Variants in COLEC12 observed in about 807,000 individuals in gnomAD.
COLEC12 encodes the protein collectin-12.
Under a neutral mutation model 71.1 loss-of-function variants are expected in COLEC12, and 33 were observed. The ratio of observed to expected loss-of-function variants is 0.46; its 90% CI spans 0.35 to 0.62. The LOEUF (loss-of-function observed/expected upper bound fraction) is 0.62. COLEC12 is among the 20% of genes least tolerant of loss of function. The pLI is 0.00. For missense variants in COLEC12, 765 were observed against 916.1 expected (o/e 0.84, Z 2.13); for synonymous variants, 350 against 353.0 (o/e 0.99, Z 0.10).
intron 3 of COLEC12, 84 bp downstream of exon 3, chr18:357,316 G>T: frequency 1.5e-6 from 2 of 1,301,316 alleles, no homozygotes; most frequent in East Asian, 2.4e-5. Flanking sequence ...GAAATACTTC[G>T]TATTTGCAAA....
At chr18:454,729 T>A (rs569159782) in intron 2 of COLEC12, among the ~76,000 whole-genome samples, 1 of 152,288 alleles carries the variant, frequency 6.6e-6, no homozygotes, top group South Asian at 2.1e-4. Context: ...TATTGCTCCC[T>A]TGTCCTTGTC....
At chr18:351,378 C>T (rs117086375) in intron 3 of COLEC12, among the ~76,000 whole-genome samples, 6,837 of 152,046 alleles carry the variant, frequency 0.045, 195 homozygotes, top group South Asian at 0.081. Context: ...TGCCGAGGTG[C>T]ACCTTGCAGA....
chr18:449,939 CATT>C (rs375064323), intron 2 of COLEC12, among the ~76,000 whole-genome samples: 5 of 152,322 alleles, frequency 3.3e-5, no homozygotes, highest in African/African-American at 9.6e-5. Flanking sequence ...ACAGTAATAA[CATT>C]ATTTAAAAAA....
At chr18:369,157 C>T (rs1407650227) in intron 2 of COLEC12, among the ~76,000 whole-genome samples, 2 of 152,210 alleles carry the variant, frequency 1.3e-5, no homozygotes, top group East Asian at 1.9e-4. Context: ...GCGCCCTTAC[C>T]ATTTGCCAGC....
At chr18:400,931 C>T (rs1262195477) in intron 2 of COLEC12, among the ~76,000 whole-genome samples, 2 of 152,254 alleles carry the variant, frequency 1.3e-5, no homozygotes, top group Non-Finnish European at 2.9e-5. Context: ...AATTTTGGAG[C>T]AAAGCAGCAT....
intron 1 of COLEC12, among the ~76,000 whole-genome samples, chr18:491,693 T>C (rs1275163621): frequency 6.6e-6 from 1 of 152,190 alleles, no homozygotes; most frequent in African/African-American, 2.4e-5. Context: ...CAGGAAAGCT[T>C]GATGAGCAAA....
At chr18:421,104 C>A (rs1198602953) in intron 2 of COLEC12, among the ~76,000 whole-genome samples, 1 of 152,198 alleles carries the variant, frequency 6.6e-6, no homozygotes, top group Non-Finnish European at 1.5e-5. Flanking sequence ...TTGTACAGGG[C>A]TACACATCTG....
At chr18:396,216 G>A (rs1915568284) in intron 2 of COLEC12, among the ~76,000 whole-genome samples, 1 of 152,222 alleles carries the variant, frequency 6.6e-6, no homozygotes, top group Non-Finnish European at 1.5e-5. Context: ...AGCAGGTAAT[G>A]AGTAAGAAGT....
chr18:459,520 C>T (rs58359184), intron 2 of COLEC12, among the ~76,000 whole-genome samples: 5 of 152,260 alleles, frequency 3.3e-5, no homozygotes, highest in East Asian at 3.9e-4. Flanking sequence ...ATGTAAAACC[C>T]GAGTGGAGAT....
intron 2 of COLEC12, among the ~76,000 whole-genome samples, chr18:397,713 T>C (rs1425154268): frequency 6.6e-6 from 1 of 152,212 alleles, no homozygotes; most frequent in Non-Finnish European, 1.5e-5. Flanking sequence ...GTCCATCTTG[T>C]GAAGGTTAAA....
Position 480,590 on chromosome 18 carries a change from G to C in COLEC12, c.58+117C>G. The C allele has an allele frequency of 1.1e-6, 1 of 909,134 alleles. No individual in the cohort carries two copies. The highest frequency in any genetic ancestry group is 1.8e-5 in the Admixed American group (1 of 56,328). 56.3% of individuals were successfully genotyped at this position (909,134 alleles called of 1,614,324 possible). ...TTTCCAACCAAAATTGGACCTCAGA[G>C]CCACAAACACCCATGTGCATGAAGG... is the stretch of plus-strand genomic sequence containing the variant. On this transcript the variant is annotated intron_variant, in intron 2 of 9. Transcript: ENST00000400256. This position sits in a 1 kb window ranked among gnomAD's most constrained non-coding sequence, Gnocchi z 4.1.
intron 3 of COLEC12, among the ~76,000 whole-genome samples, chr18:349,359 G>A (rs1914457345): frequency 6.6e-6 from 1 of 152,250 alleles, no homozygotes; most frequent in Non-Finnish European, 1.5e-5. Flanking sequence ...TGAGTGCACA[G>A]AAATCAATAA....
intron 2 of COLEC12, among the ~76,000 whole-genome samples, chr18:394,938 C>CAA (rs907229923): frequency 1.3e-5 from 2 of 151,912 alleles, no homozygotes; most frequent in African/African-American, 4.8e-5. Context: ...CAAAACAAAA[C>CAA]AAAAAAAACA....
At chr18:359,965 C>G (rs1040694291) in intron 2 of COLEC12, among the ~76,000 whole-genome samples, 4 of 152,194 alleles carry the variant, frequency 2.6e-5, no homozygotes, top group African/African-American at 9.7e-5. Context: ...ATAACAATGA[C>G]TTAAATTTAG....
intron 2 of COLEC12, among the ~76,000 whole-genome samples, chr18:441,739 G>C (rs563681941): frequency 1.3e-5 from 2 of 152,268 alleles, no homozygotes; most frequent in African/African-American, 4.8e-5. Flanking sequence ...ACTCACGCCT[G>C]TAATCCCAGC....
intron 8 of COLEC12, among the ~76,000 whole-genome samples, chr18:325,244 C>A (rs575107078): frequency 1.3e-5 from 2 of 152,176 alleles, no homozygotes; most frequent in East Asian, 3.9e-4. Flanking sequence ...TGATATTATA[C>A]GGAGCAGTCT....
intron 2 of COLEC12, among the ~76,000 whole-genome samples, chr18:430,799 A>T (rs984200431): frequency 6.6e-5 from 10 of 152,220 alleles, no homozygotes; most frequent in Admixed American, 1.3e-4. Context: ...TTTAGGACAC[A>T]AAATAAATAT....
At chr18:402,270 AC>A (rs1915702646) in intron 2 of COLEC12, among the ~76,000 whole-genome samples, 1 of 152,058 alleles carries the variant, frequency 6.6e-6, no homozygotes, top group African/African-American at 2.4e-5. Flanking sequence ...TTGGCCTACA[AC>A]CAGTCTGACT....
At chr18:333,188 A>C in intron 6 of COLEC12, 45 bp from the exon 7 acceptor site, 1 of 1,536,858 alleles carries the variant, frequency 6.5e-7, no homozygotes, top group Non-Finnish European at 8.8e-7. Flanking sequence ...GATCACAGAA[A>C]GCACTCTGCC....
Sources: allele counts gnomAD v4.1 joint callset (sites outside exome capture counted in the v4.1 genomes callset), GRCh38; gene constraint gnomAD v4.1.1; non-coding constraint Gnocchi (gnomAD v3.1); transcripts MANE v1.5; gene names NCBI Gene and HGNC (gene_info 2026-07-23, HGNC 2026-07-21).